TRPM3: variants seen among roughly 807,000 people sequenced by gnomAD.
TRPM3 encodes the protein transient receptor potential cation channel subfamily M member 3, also known as long transient receptor potential channel 3.
In TRPM3, 77 loss-of-function variants were observed where a neutral mutation model predicts 181.2. The observed-to-expected ratio is 0.42, with a 90% confidence interval of 0.35 to 0.51. TRPM3 has a LOEUF of 0.51. Among genes scored for constraint, TRPM3 ranks in the 20% least tolerant of loss-of-function variants. TRPM3 has a pLI of 0.01. For synonymous variants in TRPM3, 745 were observed against 796.4 expected (o/e 0.94, Z 1.09); for missense variants, 1,759 against 2,196.7 (o/e 0.80, Z 3.98).
intron 1 of TRPM3, among the ~76,000 whole-genome samples, chr9:70,983,400 C>T (rs1011611832): frequency 6.6e-6 from 1 of 152,102 alleles, no homozygotes; most frequent in Non-Finnish European, 1.5e-5. Flanking sequence ...ACCAGATATA[C>T]AGACTTAGAT....
intron 1 of TRPM3, among the ~76,000 whole-genome samples, chr9:71,336,039 T>C (rs2043144): frequency 0.96 from 145,830 of 152,190 alleles, 69,951 homozygotes; most frequent in Non-Finnish European, 0.98. Context: ...TATTAACATA[T>C]TCCAAGAAGA....
intron 1 of TRPM3, among the ~76,000 whole-genome samples, chr9:71,196,510 T>C (rs1452240499): frequency 1.3e-5 from 2 of 151,872 alleles, no homozygotes; most frequent in Non-Finnish European, 2.9e-5. Context: ...TACCTGCATT[T>C]TCCATTATCA....
intron 1 of TRPM3, among the ~76,000 whole-genome samples, chr9:71,032,065 T>G (rs1203457661): frequency 7.3e-4 from 6 of 8,186 alleles, no homozygotes; most frequent in South Asian, 5.1e-3. Context: ...ATATTATATA[T>G]ATTATATTAT....
chr9:71,124,265 A>G (rs535205751), upstream of TRPM3, among the ~76,000 whole-genome samples: 51 of 152,070 alleles, frequency 3.4e-4, no homozygotes, highest in Admixed American at 7.2e-4. Flanking sequence ...ATATTTTCAC[A>G]TAGAAGATGC....
intron 1 of TRPM3, among the ~76,000 whole-genome samples, chr9:71,019,971 G>A (rs761644946): frequency 3.3e-5 from 5 of 152,050 alleles, no homozygotes; most frequent in Non-Finnish European, 7.4e-5. Flanking sequence ...GAACCAAATT[G>A]GTTGGATACT....
chr9:70,644,304 C>T (rs2058492854), intron 9 of TRPM3, among the ~76,000 whole-genome samples: 1 of 152,168 alleles, frequency 6.6e-6, no homozygotes, highest in Non-Finnish European at 1.5e-5. Context: ...CTTATACAAA[C>T]ACATCAATGT....
intron 1 of TRPM3, among the ~76,000 whole-genome samples, chr9:70,903,847 G>A (rs956662717): frequency 3.3e-5 from 5 of 152,024 alleles, no homozygotes; most frequent in African/African-American, 1.2e-4. Flanking sequence ...ACAATCCATT[G>A]TGTATCCTCA....
At chr9:71,174,944 G>A (rs574170041) in intron 1 of TRPM3, among the ~76,000 whole-genome samples, 98 of 152,254 alleles carry the variant, frequency 6.4e-4, no homozygotes, top group African/African-American at 2.1e-3. Context: ...AGAAGAGGAG[G>A]AGCTGGAGTT....
At chr9:71,028,708 T>C (rs1004872150) in intron 1 of TRPM3, among the ~76,000 whole-genome samples, 6 of 151,200 alleles carry the variant, frequency 4.0e-5, no homozygotes, top group Admixed American at 6.6e-5. Flanking sequence ...CAAAAATGAT[T>C]AAAAAGGGCA....
At chr9:71,440,956 C>T (rs1479062798) in intron 1 of TRPM3, among the ~76,000 whole-genome samples, 4 of 152,032 alleles carry the variant, frequency 2.6e-5, no homozygotes, top group Non-Finnish European at 5.9e-5. Flanking sequence ...AGTAATTAAT[C>T]GCAGGAGAAG....
chr9:70,612,462 C>T (rs1431127749), intron 18 of TRPM3, among the ~76,000 whole-genome samples: 2 of 152,154 alleles, frequency 1.3e-5, no homozygotes, highest in African/African-American at 4.8e-5. Context: ...TGGCTTAAAA[C>T]CACTTTACCT....
At chr9:71,147,266 T>C (rs1196692154) in intron 1 of TRPM3, among the ~76,000 whole-genome samples, 3 of 152,154 alleles carry the variant, frequency 2.0e-5, no homozygotes, top group Admixed American at 6.6e-5. Flanking sequence ...ATTCCTTCAT[T>C]GAACAAACAT....
At chr9:70,997,171 G>A (rs1030438327) in intron 1 of TRPM3, among the ~76,000 whole-genome samples, 5 of 151,962 alleles carry the variant, frequency 3.3e-5, no homozygotes, top group Non-Finnish European at 7.4e-5. Flanking sequence ...CTACCCCCTT[G>A]TCACATTTTT....
At chr9:71,315,205 G>T (rs1289065757) in intron 1 of TRPM3, among the ~76,000 whole-genome samples, 1 of 152,044 alleles carries the variant, frequency 6.6e-6, no homozygotes. Context: ...GAAATCAAAG[G>T]CATTCTGGAC....
intron 1 of TRPM3, among the ~76,000 whole-genome samples, chr9:70,884,548 A>G (rs1312187708): frequency 1.3e-5 from 2 of 152,236 alleles, no homozygotes; most frequent in Non-Finnish European, 2.9e-5. Context: ...TTATTACAGA[A>G]GTAAACTTTG....
intron 1 of TRPM3, among the ~76,000 whole-genome samples, chr9:71,320,942 C>G (rs968649344): frequency 3.9e-5 from 6 of 152,050 alleles, no homozygotes; most frequent in African/African-American, 1.4e-4. Context: ...ACATCGCTCT[C>G]TCCCTCATCC....
At chr9:71,183,238 C>A (rs1450360993) in intron 1 of TRPM3, among the ~76,000 whole-genome samples, 1 of 152,130 alleles carries the variant, frequency 6.6e-6, no homozygotes, top group Non-Finnish European at 1.5e-5. Context: ...TCTGCAAGGT[C>A]AAGGCCATGG....
rs575331461 is a variant in TRPM3, at chr9:71,019,627, T to C, written c.177+101551A>G. Among the ~76,000 whole-genome samples, 46 of 152,214 alleles carry C rather than the reference T, an allele frequency of 3.0e-4. 1 individual carries two copies. The South Asian group carries it at 7.0e-3, about 23-fold the overall frequency. On this transcript the variant is annotated intron_variant, in intron 1 of 25. Transcript: ENST00000677713. Reference sequence around the variant, plus strand: ...TATACTAGATTCATGGATTGGAATATTGATATTGTAATGATGCCAAATCTC... The same window carrying C: ...TATACTAGATTCATGGATTGGAATACTGATATTGTAATGATGCCAAATCTC...
At chr9:71,288,320 CTGTT>C (rs1241209073) in intron 1 of TRPM3, among the ~76,000 whole-genome samples, 1 of 151,928 alleles carries the variant, frequency 6.6e-6, no homozygotes, top group Non-Finnish European at 1.5e-5. Context: ...AGAGCTAAAA[CTGTT>C]CGATTATTAA....
Sources: gnomAD v4.1 joint callset for allele counts (sites outside exome capture counted in the v4.1 genomes callset) on GRCh38, gnomAD v4.1.1 for gene constraint, MANE v1.5 for transcripts, NCBI Gene and HGNC (gene_info 2026-07-23, HGNC 2026-07-21) for gene names.